ARVCF: variants seen among roughly 807,000 people sequenced by gnomAD.
ARVCF encodes splicing regulator ARVCF.
Under a neutral mutation model 90.9 loss-of-function variants are expected in ARVCF, and 66 were observed. That is an observed-to-expected ratio of 0.73 (90% CI 0.60 to 0.89). ARVCF has a LOEUF of 0.89. Ranked by LOEUF, ARVCF falls within the 40% of genes least tolerant of loss-of-function variation. The probability of loss-of-function intolerance (pLI) is 0.00; values close to 1 mark genes in which losing one functional copy is unlikely to be tolerated. For synonymous variants in ARVCF, 653 were observed against 603.4 expected (o/e 1.08, Z -1.21); for missense variants, 1,469 against 1,382.3 (o/e 1.06, Z -1.00).
At chr22:20,007,032 TTG>T (rs2146479047) in intron 2 of ARVCF, among the ~76,000 whole-genome samples, 1 of 152,182 alleles carries the variant, frequency 6.6e-6, no homozygotes, top group Admixed American at 6.5e-5. Context: ...GGCAAGTGGA[TTG>T]CTGGGGCCCA....
At chr22:19,983,175 G>C (rs1943595138) in intron 3 of ARVCF, among the ~76,000 whole-genome samples, 1 of 152,244 alleles carries the variant, frequency 6.6e-6, no homozygotes, top group African/African-American at 2.4e-5. Context: ...TGAAACCCAA[G>C]CCCTGGTGGG....
At chr22:19,973,578 C>G in intron 13 of ARVCF, 65 bp downstream of exon 13, 1 of 1,550,202 alleles carries the variant, frequency 6.5e-7, no homozygotes, top group Non-Finnish European at 8.7e-7. Context: ...CAAGCCCCTC[C>G]GATGGGACCC....
chr22:19,990,984 G>A (rs1294082846), intron 2 of ARVCF, among the ~76,000 whole-genome samples, 172 bp from the exon 3 acceptor site: 1 of 152,258 alleles, frequency 6.6e-6, no homozygotes, highest in Non-Finnish European at 1.5e-5. Flanking sequence ...ATTAATCCGA[G>A]GCTGGCCGGA....
chr22:20,000,743 A>G (rs1342458708), intron 2 of ARVCF, among the ~76,000 whole-genome samples: 1 of 152,196 alleles, frequency 6.6e-6, no homozygotes, highest in Admixed American at 6.5e-5. Flanking sequence ...GTGCCCTTAT[A>G]TGATCAGTGT....
chr22:20,015,621 G>A (rs1945041885), intron 1 of ARVCF, among the ~76,000 whole-genome samples: 1 of 152,184 alleles, frequency 6.6e-6, no homozygotes, highest in Admixed American at 6.5e-5. Flanking sequence ...CCCCAGAGAA[G>A]CTAAGGTCGG....
In ARVCF at chr22:19,988,166, A is replaced by T. The variant is rs546497546; in HGVS notation, c.210+2419T>A. On this transcript the variant is annotated intron_variant, in intron 3 of 19. Coordinates refer to ENST00000263207, the MANE Select transcript of ARVCF (RefSeq NM_001670.3). The stretch of plus-strand genomic sequence containing the variant: ...GCAGGGACCACTCCCTGCTGCCCTG[A>T]GCGCCATATACAGAGGCCACTCGGC... 3.4e-4 allele frequency among the ~76,000 whole-genome samples: 52 copies of T among 152,234 alleles called. 1 individual carries two copies. The South Asian group carries it at 0.01, about 30-fold the overall frequency.
At chr22:19,977,015 G>A (rs12168906) in intron 9 of ARVCF, among the ~76,000 whole-genome samples, 21 of 132,020 alleles carry the variant, frequency 1.6e-4, no homozygotes, top group African/African-American at 4.7e-4. Flanking sequence ...AGGTGTGCAG[G>A]GCATCTTGCC....
chr22:19,969,840 G>A (rs940960866), downstream of ARVCF: 127 of 985,216 alleles, frequency 1.3e-4, no homozygotes, highest in Non-Finnish European at 1.4e-4. Context: ...GCAGAGGCCC[G>A]ACACAAGGGA....
intron 3 of ARVCF, among the ~76,000 whole-genome samples, chr22:19,985,921 C>T (rs1022877862): frequency 6.6e-6 from 1 of 152,214 alleles, no homozygotes; most frequent in Non-Finnish European, 1.5e-5. Context: ...TATGGCCCTC[C>T]CAGGTAGAGT....
At chr22:19,976,897 CAAG>C (rs1943188033) in intron 9 of ARVCF, among the ~76,000 whole-genome samples, 174 bp from the exon 10 acceptor site, 1 of 152,062 alleles carries the variant, frequency 6.6e-6, no homozygotes, top group South Asian at 2.1e-4. Context: ...ACCAGGGGTA[CAAG>C]AAGAGGGAGG....
chr22:20,006,456 G>A (rs532253503), intron 2 of ARVCF, among the ~76,000 whole-genome samples: 109 of 151,204 alleles, frequency 7.2e-4, no homozygotes, highest in African/African-American at 2.6e-3. Context: ...GTGAGCGCCT[G>A]TAGTTCCAGC....
intron 2 of ARVCF, among the ~76,000 whole-genome samples, chr22:19,993,146 C>T (rs1944092391): frequency 6.6e-6 from 1 of 152,084 alleles, no homozygotes; most frequent in African/African-American, 2.4e-5. Flanking sequence ...CTGCATTTGC[C>T]CTGGGGGGAA....
intron 5 of ARVCF, 168 bp from the exon 6 acceptor site, chr22:19,980,410 C>T: frequency 1.9e-6 from 2 of 1,075,154 alleles, no homozygotes; most frequent in Non-Finnish European, 2.5e-6. Flanking sequence ...AGTCATGCAC[C>T]AGCCCAGTGA....
chr22:19,971,146 G>A lies in ARVCF; in HGVS notation c.*12+70C>T, dbSNP rs165849. ...GGGAAGAGCAGAGCGTGCAGGCAGC[G>A]GAGACTAACAAGAAGCCCTGGCCCA... On this transcript the variant is annotated intron_variant, in intron 19 of 19. Coordinates refer to ENST00000263207, the MANE Select transcript of ARVCF (RefSeq NM_001670.3). 0.65 allele frequency: 1,006,613 copies of A among 1,540,188 alleles called. 336,887 individuals are homozygous for A. The highest frequency in any genetic ancestry group is 0.7 in the Non-Finnish European group (797,819 of 1,145,852).
chr22:19,987,228 A>T (rs1234765430), intron 3 of ARVCF: 1 of 280,434 alleles, frequency 3.6e-6, no homozygotes, highest in Non-Finnish European at 6.6e-6. Context: ...GGCGGCGGTC[A>T]CGGCGAGCAG....
chr22:20,011,053 T>A (rs1944810581), intron 1 of ARVCF, among the ~76,000 whole-genome samples: 1 of 152,238 alleles, frequency 6.6e-6, no homozygotes, highest in Non-Finnish European at 1.5e-5. Context: ...GCAGGCAGGT[T>A]CCTGGCCCTG....
chr22:19,991,668 G>A (rs905678195), intron 2 of ARVCF, among the ~76,000 whole-genome samples: 2 of 152,246 alleles, frequency 1.3e-5, no homozygotes, highest in Admixed American at 6.5e-5. Context: ...GGGAGCAGGC[G>A]GGGGCCATGA....
At chr22:20,002,134 G>A (rs1944468501) in intron 2 of ARVCF, among the ~76,000 whole-genome samples, 1 of 152,238 alleles carries the variant, frequency 6.6e-6, no homozygotes, top group Non-Finnish European at 1.5e-5. Context: ...CGTCAGGGCT[G>A]GAATCTGAGT....
Position 19,980,105 on chromosome 22 carries a change from G to A in ARVCF, c.1034C>T (p.Ser345Leu). ...CGGCTCCTTGCGGGCGCTATCCACT[G>A]AGGGCGAGCGCCGCACCAGCCGGTC... The part of the protein sequence containing the change: ...SLDRLVRRSP[S>L]VDSARKEPRW... The change falls in exon 6 of 20, where the codon TCA becomes TTA. Residue 345 changes from serine to leucine, a missense_variant. Transcript: ENST00000263207. 3 of 1,585,982 alleles carry A rather than the reference G, an allele frequency of 1.9e-6. No homozygotes were observed. Among genetic ancestry groups the A allele is most frequent in the Admixed American group, 3.4e-5 (2 of 58,352 alleles).
Sources: gnomAD v4.1 joint callset for allele counts (sites outside exome capture counted in the v4.1 genomes callset) on GRCh38, gnomAD v4.1.1 for gene constraint, MANE v1.5 for transcripts, NCBI Gene and HGNC (gene_info 2026-07-23, HGNC 2026-07-21) for gene names.